SLCO4A1: variants seen among roughly 807,000 people sequenced by gnomAD.
SLCO4A1 encodes the protein colon organic anion transporter.
In SLCO4A1, 51 loss-of-function variants were observed where a neutral mutation model predicts 64.6. The observed-to-expected ratio is 0.79, with a 90% confidence interval of 0.63 to 1.00. The LOEUF (loss-of-function observed/expected upper bound fraction) is 1.00, where lower values mean the gene tolerates loss of function less well. SLCO4A1 is among the 50% of genes least tolerant of loss of function. The pLI is 0.00. For synonymous variants in SLCO4A1, 471 were observed against 444.9 expected, an observed-to-expected ratio of 1.06 and a Z score of -0.74; for missense variants, 919 against 980.5, an observed-to-expected ratio of 0.94 and a Z score of 0.84.
chr20:62,654,169 T>C (rs568819112), intron 1 of SLCO4A1, among the ~76,000 whole-genome samples: 1 of 152,232 alleles, frequency 6.6e-6, no homozygotes, highest in East Asian at 1.9e-4. Flanking sequence ...CTCCAGGTGG[T>C]CCTGAGAGCG....
At chr20:62,659,815 GAC>G (rs1259690666) in intron 3 of SLCO4A1, among the ~76,000 whole-genome samples, 1 of 152,250 alleles carries the variant, frequency 6.6e-6, no homozygotes, top group Non-Finnish European at 1.5e-5. Flanking sequence ...TCACTGTGAA[GAC>G]ACATCCCCGA....
chr20:62,661,273 G>A lies in SLCO4A1; in HGVS notation c.1121+98G>A, dbSNP rs112272922. The A allele has an allele frequency of 0.044, 36,188 of 830,384 alleles. 967 individuals carry two copies. Among genetic ancestry groups the A allele is most frequent in the East Asian group, 0.068 (2,716 of 39,786 alleles). The allele number at this position is 830,384 out of a possible 1,614,324, so 51.4% of individuals were successfully genotyped here. ...GAGACCCCTCCGGGATCATGATGGG[G>A]ACGCAGCCCCTAACCTCTGTCGTGA... On this transcript the variant is annotated intron_variant, in intron 5 of 11. Transcript: ENST00000217159. This position sits in a 1 kb window ranked among gnomAD's most constrained non-coding sequence, Gnocchi z 5.2.
chr20:62,668,291 A>G (rs2147102903), intron 9 of SLCO4A1, 107 bp downstream of exon 9: 1 of 1,378,008 alleles, frequency 7.3e-7, no homozygotes, highest in Non-Finnish European at 1.0e-6. Flanking sequence ...ACCCAGGTCT[A>G]AGCGGGCCTG....
rs1986436880 is a variant in SLCO4A1, at chr20:62,666,834, C to T, written c.1472+259C>T. 6 of 512,840 alleles carry T rather than the reference C, an allele frequency of 1.2e-5. No individual in the cohort carries two copies. The South Asian group carries it at 1.3e-4, about 11-fold the overall frequency. 31.8% of individuals were successfully genotyped at this position (512,840 alleles called of 1,614,324 possible). On this transcript the variant is annotated intron_variant, in intron 7 of 11. Coordinates refer to ENST00000217159, the MANE Select transcript of SLCO4A1 (RefSeq NM_016354.4). ...AGTCATATGCCTCTCTGGGCCTCAG[C>T]ACTCTGCTCTGTAGCTGTGTCAAAT...
In SLCO4A1 at chr20:62,657,128, G is replaced by T; in HGVS notation, c.674G>T (p.Arg225Leu). 6.4e-7 allele frequency: 1 copy of T among 1,572,830 alleles called. No homozygotes were observed. The highest frequency in any genetic ancestry group is 1.8e-5 in the Admixed American group (1 of 54,176). The change falls in exon 2 of 12, where the codon CGC (arginine) becomes CTC (leucine). Residue 225 changes from arginine (R) to leucine (L), a missense_variant. Physicochemically the swap from Arg to Leu is moderately radical, Grantham distance 102. Coordinates refer to ENST00000217159, the MANE Select transcript of SLCO4A1 (RefSeq NM_016354.4). ...GCGGACAGCACCTCGGGCCTGTCCC[G>T]CTACCAGCTGGTCTTCATGCTGGGC... ...VCADSTSGLS[R>L]YQLVFMLGQF...
chr20:62,646,423 G>A (rs1331702970), intron 1 of SLCO4A1, among the ~76,000 whole-genome samples: 5 of 152,260 alleles, frequency 3.3e-5, no homozygotes, highest in African/African-American at 1.2e-4. Context: ...AACACCACGG[G>A]TCTGTAAAGG....
In SLCO4A1 at chr20:62,664,982, G is replaced by GGCCGGGGCC; in HGVS notation, c.1171_1179dup (p.Ala391_Ala393dup). ...ACCCCACGTTCATCCTGCTCTGCCT[G>GGCCGGGGCC]GCCGGGGCCACCGAGGCCACTCTCA... On this transcript the variant is annotated inframe_insertion, in exon 6 of 12. Coordinates refer to ENST00000217159, the MANE Select transcript of SLCO4A1 (RefSeq NM_016354.4). 1 of 1,613,740 alleles carries GGCCGGGGCC rather than the reference G, an allele frequency of 6.2e-7. No homozygotes were observed. Among genetic ancestry groups the GGCCGGGGCC allele is most frequent in the Non-Finnish European group, 8.5e-7 (1 of 1,179,842 alleles).
At position 62,661,119 on chromosome 20, in the gene SLCO4A1, C is replaced by T. The variant is rs751085387; in HGVS notation, c.1065C>T (p.Ser355=). Residue 355 remains serine (S), a synonymous_variant, in exon 5 of 12, where the codon AGC becomes AGT. Coordinates refer to ENST00000217159, the MANE Select transcript of SLCO4A1 (RefSeq NM_016354.4). This position sits in a 1 kb window ranked among gnomAD's most constrained non-coding sequence, Gnocchi z 5.2. Reference sequence around the variant, plus strand: ...CGGAAATGCACCAGTTGAAGGACAGCAGCCGTGGGGAGGCGAGCAACCCGG... The same window carrying T: ...CGGAAATGCACCAGTTGAAGGACAGTAGCCGTGGGGAGGCGAGCAACCCGG... The part of the protein sequence containing the change: ...RAAEMHQLKD[S]SRGEASNPDF... 1 of 1,574,504 alleles carries T rather than the reference C, an allele frequency of 6.4e-7. No homozygotes were observed. Among genetic ancestry groups the T allele is most frequent in the Non-Finnish European group, 8.7e-7 (1 of 1,154,428 alleles).
chr20:62,644,427 C>A lies in SLCO4A1; in HGVS notation c.-97+1874C>A, dbSNP rs765418889. 3.5e-4 allele frequency among the ~76,000 whole-genome samples: 54 copies of A among 152,240 alleles called. 1 individual carries two copies. The highest frequency in any genetic ancestry group is 1.2e-3 in the African/African-American group (50 of 41,464). On this transcript the variant is annotated intron_variant, in intron 1 of 11. Coordinates refer to ENST00000217159, the MANE Select transcript of SLCO4A1 (RefSeq NM_016354.4). This position sits in a 1 kb window ranked among gnomAD's most constrained non-coding sequence, Gnocchi z 5.4. ...CCCCTAAAGCAGGTGCTGGGCAAGTCCCTCCCATGGTGGAGAGCTGGCTGG... is the reference window on the plus strand; with the variant it reads ...CCCCTAAAGCAGGTGCTGGGCAAGTACCTCCCATGGTGGAGAGCTGGCTGG...
At chr20:62,652,958 C>T (rs771286190) in intron 1 of SLCO4A1, among the ~76,000 whole-genome samples, 11 of 152,226 alleles carry the variant, frequency 7.2e-5, no homozygotes, top group Non-Finnish European at 1.2e-4. Flanking sequence ...GGCCAGACTG[C>T]GGGGGCTGCA....
At chr20:62,684,794 G>A (rs1016670924) in intron 2 of SLCO4A1, among the ~76,000 whole-genome samples, 1 of 152,076 alleles carries the variant, frequency 6.6e-6, no homozygotes, top group African/African-American at 2.4e-5. Context: ...CCCCACCCCA[G>A]CAATCCCCAC....
chr20:62,676,601 G>A (rs376349865), downstream of SLCO4A1, among the ~76,000 whole-genome samples: 18 of 152,294 alleles, frequency 1.2e-4, no homozygotes, highest in East Asian at 9.6e-4. Flanking sequence ...AGCGCTGACC[G>A]TATCAAAAAC....
chr20:62,666,899 C>G (rs954270068), intron 7 of SLCO4A1, among the ~76,000 whole-genome samples: 1 of 152,144 alleles, frequency 6.6e-6, no homozygotes, highest in Non-Finnish European at 1.5e-5. Flanking sequence ...TGAGGCTGGT[C>G]TCTCGGTGAC....
intron 7 of SLCO4A1, chr20:62,667,402 T>C (rs1601669655): frequency 7.9e-6 from 2 of 254,046 alleles, no homozygotes; most frequent in East Asian, 7.8e-5. Context: ...GAGGCTGCCT[T>C]TGTGTACTTG....
chr20:62,662,692 GT>G (rs1324329705), intron 5 of SLCO4A1, among the ~76,000 whole-genome samples: 1 of 152,142 alleles, frequency 6.6e-6, no homozygotes, highest in Non-Finnish European at 1.5e-5. Context: ...GCCTGGGCAG[GT>G]CTGGGAAAAG....
chr20:62,681,255 C>A (rs1987808337), intron 2 of SLCO4A1, among the ~76,000 whole-genome samples: 1 of 152,320 alleles, frequency 6.6e-6, no homozygotes, highest in South Asian at 2.1e-4. Flanking sequence ...ACAAAGAGAT[C>A]CCTTGCACAC....
intron 1 of SLCO4A1, among the ~76,000 whole-genome samples, chr20:62,651,078 T>C (rs971554622): frequency 4.6e-5 from 7 of 152,218 alleles, no homozygotes; most frequent in African/African-American, 1.7e-4. Context: ...GTCCAGAGTG[T>C]TGCCTGCCCA....
chr20:62,683,650 T>C (rs6010861), intron 2 of SLCO4A1, among the ~76,000 whole-genome samples: 121,864 of 152,184 alleles, frequency 0.8, 49,043 homozygotes, highest in African/African-American at 0.85. Context: ...AGTTGCCTCT[T>C]GTATTCAGCA....
chr20:62,646,515 C>G (rs981667739), intron 1 of SLCO4A1, among the ~76,000 whole-genome samples: 2 of 152,256 alleles, frequency 1.3e-5, no homozygotes, highest in African/African-American at 4.8e-5. Context: ...AGCGGGGGTC[C>G]TGAGCATGGG....
Sources: gnomAD v4.1 joint callset for allele counts (sites outside exome capture counted in the v4.1 genomes callset) on GRCh38, gnomAD v4.1.1 for gene constraint, Gnocchi (gnomAD v3.1) non-coding constraint, MANE v1.5 for transcripts, NCBI Gene and HGNC (gene_info 2026-07-23, HGNC 2026-07-21) for gene names.